The following TTC7B variants were observed in gnomAD, a reference collection of about 807,000 sequenced individuals.
The protein encoded by TTC7B is tetratricopeptide repeat protein 7B.
A neutral mutation model predicts 106.8 loss-of-function variants in TTC7B; 28 were observed. That is an observed-to-expected ratio of 0.26 (90% CI 0.19 to 0.36). The LOEUF (loss-of-function observed/expected upper bound fraction) is 0.36. Among genes scored for constraint, TTC7B ranks in the 10% least tolerant of loss-of-function variants. The pLI is 1.00. For synonymous variants in TTC7B, 405 were observed against 430.6 expected, an observed-to-expected ratio of 0.94 and a Z score of 0.74; for missense variants, 862 against 1,076.4, an observed-to-expected ratio of 0.80 and a Z score of 2.79.
At chr14:90,569,364 C>T (rs1032825543) in intron 19 of TTC7B, among the ~76,000 whole-genome samples, 1 of 152,194 alleles carries the variant, frequency 6.6e-6, no homozygotes, top group Non-Finnish European at 1.5e-5. Flanking sequence ...ATATGCAGGG[C>T]TGAGGCTGTG....
intron 15 of TTC7B, among the ~76,000 whole-genome samples, chr14:90,618,811 G>C (rs1376306712): frequency 6.6e-6 from 1 of 152,214 alleles, no homozygotes; most frequent in African/African-American, 2.4e-5. Flanking sequence ...CACTATCCTA[G>C]TAAAAGTCCC....
intron 19 of TTC7B, among the ~76,000 whole-genome samples, chr14:90,545,581 G>GA (rs1318266808): frequency 1.3e-5 from 2 of 152,244 alleles, no homozygotes; most frequent in African/African-American, 4.8e-5. Context: ...GGATGGGTGA[G>GA]ATGTGGAGAC....
rs748329714 is a variant in TTC7B at position 90,644,109 on chromosome 14, G to A, written c.1690C>T (p.His564Tyr). The change falls in exon 15 of 20, where the codon CAT becomes TAT. Residue 564 changes from histidine to tyrosine, a missense_variant. By Grantham distance (83) the His-to-Tyr change is moderately conservative. Transcript: ENST00000328459. ...ATGATGTTCAGAGCGTCATGGTAAT[G>A]CTTCTGTGCTGACAGCAGGAGGGCA... is the stretch of plus-strand genomic sequence containing the variant. Reference protein sequence around the residue: ...LLALLLSAQKHYHDALNIIDM... With the variant: ...LLALLLSAQKYYHDALNIIDM... The A allele has an allele frequency of 9.3e-6, 15 of 1,614,022 alleles. No homozygotes were observed. Among genetic ancestry groups the A allele is most frequent in the Middle Eastern group, 1.6e-4 (1 of 6,084 alleles).
chr14:90,559,929 G>A lies in TTC7B; in HGVS notation c.2310+18177C>T, dbSNP rs377608052. ...GCTCCACAACGCGCGCTCCCCCACC[G>A]TGCTACCCTTCCTGCCACCATCCTG... On this transcript the variant is annotated intron_variant, in intron 19 of 19. Coordinates refer to ENST00000328459, the MANE Select transcript of TTC7B (RefSeq NM_001010854.2). Among the ~76,000 whole-genome samples, 44 of 152,236 alleles carry A rather than the reference G, an allele frequency of 2.9e-4. No homozygotes were observed. The South Asian group carries it at 4.4e-3, about 15-fold the overall frequency.
rs529009041 is a variant in TTC7B at position 90,533,117 on chromosome 14, G to C, written c.*8251C>G. On this transcript the variant is annotated 3_prime_UTR_variant, in exon 20 of 20. Coordinates refer to ENST00000328459, the MANE Select transcript of TTC7B (RefSeq NM_001010854.2). ...CTAGGAGAGTAGGTGGCCAGGTCCCGATGCAGGCTCCAGCCCAGCAGGCCC... is the reference window on the plus strand; with the variant it reads ...CTAGGAGAGTAGGTGGCCAGGTCCCCATGCAGGCTCCAGCCCAGCAGGCCC... 1 of 152,470 alleles carries C rather than the reference G, an allele frequency of 6.6e-6. No individual in the cohort carries two copies. The highest frequency in any genetic ancestry group is 1.5e-5 in the Non-Finnish European group (1 of 68,288). 9.4% of individuals were successfully genotyped at this position (152,470 alleles called of 1,614,324 possible).
chr14:90,717,901 C>A (rs1376932508), intron 5 of TTC7B, among the ~76,000 whole-genome samples: 1 of 152,176 alleles, frequency 6.6e-6, no homozygotes, highest in Non-Finnish European at 1.5e-5. Context: ...ACATCTGGAC[C>A]CCCTCTGTGA....
Position 90,590,785 on chromosome 14 carries a change from C to T in TTC7B, c.2107+2701G>A, listed in dbSNP as rs1015784271. 2.6e-5 allele frequency among the ~76,000 whole-genome samples: 4 copies of T among 152,314 alleles called. 1 individual carries two copies. The Middle Eastern group carries it at 0.01, about 389-fold the overall frequency. On this transcript the variant is annotated intron_variant, in intron 18 of 19. Coordinates refer to ENST00000328459, the MANE Select transcript of TTC7B (RefSeq NM_001010854.2). ...AATCTTGACTCAAGCAAAGTCATTG[C>T]TTTGAAACAGTCGATATGGCACAAA...
intron 15 of TTC7B, among the ~76,000 whole-genome samples, chr14:90,623,629 G>C (rs897181981): frequency 7.2e-5 from 11 of 152,256 alleles, no homozygotes; most frequent in Admixed American, 2.6e-4. Context: ...TTTTGGGCCA[G>C]ATGATGGCCC....
Position 90,541,439 on chromosome 14 carries a change from A to G in TTC7B, c.2461T>C (p.Phe821Leu), listed in dbSNP as rs536170398. The G allele has an allele frequency of 6.2e-7, 1 of 1,613,394 alleles. No homozygotes were observed. The highest frequency in any genetic ancestry group is 1.1e-5 in the South Asian group (1 of 91,024). Reference protein sequence around the residue: ...QGNDAAATECFLTALELEASS... With the variant: ...QGNDAAATECLLTALELEASS... Reference sequence around the variant, plus strand: ...GCCTCCAGCTCCAAGGCTGTCAGGAAGCACTCCGTAGCCGCCGCATCGTTG... The same window carrying G: ...GCCTCCAGCTCCAAGGCTGTCAGGAGGCACTCCGTAGCCGCCGCATCGTTG... The change falls in exon 20 of 20, where the codon TTC becomes CTC. Residue 821 changes from phenylalanine to leucine, a missense_variant. Phe to Leu is a conservative substitution (Grantham distance 22). Coordinates refer to ENST00000328459, the MANE Select transcript of TTC7B (RefSeq NM_001010854.2).
intron 5 of TTC7B, among the ~76,000 whole-genome samples, chr14:90,717,693 G>A (rs1220613629): frequency 6.6e-6 from 1 of 152,146 alleles, no homozygotes; most frequent in Non-Finnish European, 1.5e-5. Context: ...TTTAAAAACA[G>A]GTAGGAAATA....
intron 17 of TTC7B, chr14:90,603,359 A>G (rs1460591393): frequency 3.8e-5 from 46 of 1,216,118 alleles, no homozygotes; most frequent in Non-Finnish European, 4.5e-5. Context: ...CATTTGAAAA[A>G]TCAAAATTAA....
intron 1 of TTC7B, among the ~76,000 whole-genome samples, chr14:90,797,500 C>G (rs1456498196): frequency 2.0e-5 from 3 of 150,964 alleles, no homozygotes; most frequent in African/African-American, 7.3e-5. Flanking sequence ...AACTCCAGCT[C>G]CTCGTTTACT....
At chr14:90,706,334 T>G (rs927203632) in intron 5 of TTC7B, among the ~76,000 whole-genome samples, 1 of 152,006 alleles carries the variant, frequency 6.6e-6, no homozygotes, top group Non-Finnish European at 1.5e-5. Context: ...GGCTAATTTT[T>G]TTGTATTTTT....
chr14:90,784,841 C>T (rs1891333102), intron 2 of TTC7B, among the ~76,000 whole-genome samples: 1 of 152,188 alleles, frequency 6.6e-6, no homozygotes, highest in Non-Finnish European at 1.5e-5. Flanking sequence ...CCAGCCACCT[C>T]CTAGCGGCCT....
At chr14:90,692,895 G>A (rs1887530674) in intron 6 of TTC7B, among the ~76,000 whole-genome samples, 1 of 152,088 alleles carries the variant, frequency 6.6e-6, no homozygotes, top group African/African-American at 2.4e-5. Flanking sequence ...GGCCAACTGA[G>A]CTCTTGGTGG....
chr14:90,589,354 A>C (rs2139817407), intron 18 of TTC7B, among the ~76,000 whole-genome samples: 1 of 152,370 alleles, frequency 6.6e-6, no homozygotes, highest in African/African-American at 2.4e-5. Flanking sequence ...CCTGATATGA[A>C]ATGGTGCAGG....
rs571425283 is a variant in TTC7B, at chr14:90,729,247, T to C, written c.698+828A>G. Among the ~76,000 whole-genome samples, 279 of 152,334 alleles carry C rather than the reference T, an allele frequency of 1.8e-3. 5 individuals carry two copies. Among genetic ancestry groups the C allele is most frequent in the African/African-American group, 6.5e-3 (272 of 41,576 alleles). ...GATGAAATCCCAATTTCAAGAGCCATGCCCCAAGGTTTGAAGCTCTTAAAA... is the reference window on the plus strand; with the variant it reads ...GATGAAATCCCAATTTCAAGAGCCACGCCCCAAGGTTTGAAGCTCTTAAAA... On this transcript the variant is annotated intron_variant, in intron 5 of 19. Transcript: ENST00000328459.
chr14:90,617,446 C>T (rs974084871), intron 16 of TTC7B, among the ~76,000 whole-genome samples: 1 of 152,138 alleles, frequency 6.6e-6, no homozygotes, highest in Non-Finnish European at 1.5e-5. Flanking sequence ...GTTTGATAGT[C>T]GTATGCATCA....
chr14:90,654,940 T>C, intron 12 of TTC7B, 53 bp downstream of exon 12: 1 of 1,356,172 alleles, frequency 7.4e-7, no homozygotes, highest in East Asian at 2.3e-5. Flanking sequence ...CAGGGTAGAC[T>C]TAGGTAGTCC....
Sources: gnomAD v4.1 joint callset for allele counts (sites outside exome capture counted in the v4.1 genomes callset) on GRCh38, gnomAD v4.1.1 for gene constraint, MANE v1.5 for transcripts, NCBI Gene and HGNC (gene_info 2026-07-23, HGNC 2026-07-21) for gene names.